RUNDC3B: variants seen among roughly 807,000 people sequenced by gnomAD.
RUNDC3B encodes the protein RUN domain-containing protein 3B.
Under a neutral mutation model 58.4 loss-of-function variants are expected in RUNDC3B, and 33 were observed. That is an observed-to-expected ratio of 0.56 (90% CI 0.43 to 0.75). The LOEUF (loss-of-function observed/expected upper bound fraction) is 0.75. Ranked by LOEUF, RUNDC3B falls within the 30% of genes least tolerant of loss-of-function variation. The probability of loss-of-function intolerance (pLI) is 0.00; values close to 1 mark genes in which losing one functional copy is unlikely to be tolerated. For synonymous variants in RUNDC3B, 193 were observed against 195.2 expected, an observed-to-expected ratio of 0.99 and a Z score of 0.10; for missense variants, 501 against 535.7, an observed-to-expected ratio of 0.94 and a Z score of 0.64.
At chr7:87,791,305 A>G (rs1190021998) in intron 8 of RUNDC3B, among the ~76,000 whole-genome samples, 1 of 152,196 alleles carries the variant, frequency 6.6e-6, no homozygotes, top group African/African-American at 2.4e-5. Context: ...TTTCATCAAC[A>G]TCAGACCTGT....
At chr7:87,646,899 A>G (rs928337251) in intron 1 of RUNDC3B, among the ~76,000 whole-genome samples, 10 of 152,268 alleles carry the variant, frequency 6.6e-5, no homozygotes, top group African/African-American at 1.9e-4. Flanking sequence ...TCCGTTAGGT[A>G]CAAGAAACTA....
intron 4 of RUNDC3B, among the ~76,000 whole-genome samples, chr7:87,737,960 C>T (rs1170584527): frequency 7.9e-5 from 12 of 151,914 alleles, no homozygotes; most frequent in African/African-American, 2.4e-4. Flanking sequence ...AATTTTTTGC[C>T]GTGGTGTTCT....
At chr7:87,809,346 C>CA (rs1292389292) in intron 9 of RUNDC3B, among the ~76,000 whole-genome samples, 1 of 152,044 alleles carries the variant, frequency 6.6e-6, no homozygotes, top group African/African-American at 2.4e-5. Flanking sequence ...TATCCCCAAA[C>CA]AAAAAAGTAT....
At chr7:87,820,567 C>T (rs942818228) in intron 10 of RUNDC3B, among the ~76,000 whole-genome samples, 76 of 152,162 alleles carry the variant, frequency 5.0e-4, no homozygotes, top group East Asian at 3.1e-3. Flanking sequence ...ATACCAAAGC[C>T]GGGCAGAGAC....
chr7:87,703,901 T>G (rs2130711469), intron 3 of RUNDC3B, among the ~76,000 whole-genome samples: 1 of 113,328 alleles, frequency 8.8e-6, no homozygotes, highest in Non-Finnish European at 1.9e-5. Flanking sequence ...TTTTTTTTTT[T>G]TTTTTTTTTT....
intron 1 of RUNDC3B, among the ~76,000 whole-genome samples, chr7:87,641,805 G>A (rs754927186): frequency 4.9e-4 from 75 of 152,138 alleles, no homozygotes; most frequent in Non-Finnish European, 9.6e-4. Context: ...TCCAGTGATG[G>A]TGATTGTCTT....
chr7:87,736,262 C>A (rs1831925189), intron 4 of RUNDC3B, among the ~76,000 whole-genome samples: 1 of 152,154 alleles, frequency 6.6e-6, no homozygotes, highest in Non-Finnish European at 1.5e-5. Context: ...AGGATAACTT[C>A]TGACTCCCAC....
At position 87,831,696 on chromosome 7, in the gene RUNDC3B, A is replaced by C. The variant is rs1285887521; in HGVS notation, c.*1666A>C. On this transcript the variant is annotated 3_prime_UTR_variant, in exon 11 of 11. Transcript: ENST00000394654. The stretch of plus-strand genomic sequence containing the variant: ...GCATGGGGGATGGAAGGTAGGTATA[A>C]TATGAGGACAATGGAAACTTTGGGA... The C allele has an allele frequency of 6.6e-6, 1 of 151,932 alleles. No individual in the cohort carries two copies. Among genetic ancestry groups the C allele is most frequent in the African/African-American group, 2.4e-5 (1 of 41,446 alleles). 9.4% of individuals were successfully genotyped at this position (151,932 alleles called of 1,614,324 possible).
chr7:87,719,144 TCAA>T (rs1830722316), intron 4 of RUNDC3B, among the ~76,000 whole-genome samples: 2 of 151,526 alleles, frequency 1.3e-5, no homozygotes, highest in Non-Finnish European at 3.0e-5. Context: ...AAATCAATAT[TCAA>T]CAATAACTAT....
chr7:87,828,109 C>G (rs996770848), intron 10 of RUNDC3B, among the ~76,000 whole-genome samples: 7 of 152,190 alleles, frequency 4.6e-5, no homozygotes, highest in Non-Finnish European at 8.8e-5. Context: ...GCCCCTCCAC[C>G]TGGGTATAAA....
Position 87,706,626 on chromosome 7 carries a change from C to T in RUNDC3B, c.373-3944C>T, listed in dbSNP as rs534335065. Among the ~76,000 whole-genome samples the T allele has an allele frequency of 8.5e-5, 13 of 152,328 alleles. No individual in the cohort carries two copies. In the East Asian group the frequency reaches 1.7e-3, roughly 20 times the overall value. Reference sequence around the variant, plus strand: ...GATGGATATTACACGAGCTGAGCCGCACATCCATCTTTGCTTTAGCCTAAA... The same window carrying T: ...GATGGATATTACACGAGCTGAGCCGTACATCCATCTTTGCTTTAGCCTAAA... On this transcript the variant is annotated intron_variant, in intron 3 of 10. Transcript: ENST00000394654.
chr7:87,651,258 G>A (rs1465576516), intron 2 of RUNDC3B, among the ~76,000 whole-genome samples: 4 of 152,090 alleles, frequency 2.6e-5, no homozygotes, highest in African/African-American at 7.2e-5. Flanking sequence ...TTACAGAGAA[G>A]CATTCCAGGC....
At chr7:87,819,679 C>T (rs1034621226) in intron 10 of RUNDC3B, among the ~76,000 whole-genome samples, 2 of 152,190 alleles carry the variant, frequency 1.3e-5, no homozygotes, top group African/African-American at 4.8e-5. Context: ...GAAACTACAA[C>T]AAACTGTCTC....
intron 7 of RUNDC3B, among the ~76,000 whole-genome samples, chr7:87,775,766 C>T (rs564858304): frequency 2.6e-5 from 4 of 152,038 alleles, no homozygotes; most frequent in African/African-American, 7.3e-5. Flanking sequence ...GCCTACAGTA[C>T]CCAGTATAGT....
intron 9 of RUNDC3B, among the ~76,000 whole-genome samples, chr7:87,814,423 G>A (rs1836914687): frequency 6.6e-6 from 1 of 152,116 alleles, no homozygotes; most frequent in Admixed American, 6.5e-5. Flanking sequence ...TAATAAAATA[G>A]GAAGCCAAAT....
In RUNDC3B at chr7:87,742,503, A is replaced by G. The variant is rs530590203; in HGVS notation, c.629+924A>G. ...ACTTCACTTAGAATAATAGTCTCCA[A>G]TCTCATCCAGGTCATCACAAATGCT... is the stretch of plus-strand genomic sequence containing the variant. On this transcript the variant is annotated intron_variant, in intron 6 of 10. Coordinates refer to ENST00000394654, the MANE Select transcript of RUNDC3B (RefSeq NM_001134405.2). 1.4e-3 allele frequency among the ~76,000 whole-genome samples: 209 copies of G among 152,174 alleles called. 1 individual carries two copies. The highest frequency in any genetic ancestry group is 4.8e-3 in the African/African-American group (201 of 41,526).
intron 4 of RUNDC3B, 44 bp from the exon 5 acceptor site, chr7:87,739,747 A>G (rs748122333): frequency 2.2e-6 from 2 of 908,144 alleles, no homozygotes; most frequent in Admixed American, 2.0e-5. Context: ...TCAAACTTCC[A>G]TTTATTTTTA....
At chr7:87,766,686 C>T (rs557767826) in intron 6 of RUNDC3B, among the ~76,000 whole-genome samples, 1 of 151,994 alleles carries the variant, frequency 6.6e-6, no homozygotes, top group South Asian at 2.1e-4. Context: ...TTTTCTTTCA[C>T]GTTGACCTTG....
chr7:87,754,701 G>T (rs1359653211), intron 6 of RUNDC3B, among the ~76,000 whole-genome samples: 1 of 151,950 alleles, frequency 6.6e-6, no homozygotes, highest in Non-Finnish European at 1.5e-5. Context: ...GACTAATAAA[G>T]AAGAAAAGAG....
Sources: gnomAD v4.1 joint callset for allele counts (sites outside exome capture counted in the v4.1 genomes callset) on GRCh38, gnomAD v4.1.1 for gene constraint, MANE v1.5 for transcripts, NCBI Gene and HGNC (gene_info 2026-07-23, HGNC 2026-07-21) for gene names.